The following GALNT13 variants were observed in gnomAD, a reference collection of about 807,000 sequenced individuals.
GALNT13 encodes polypeptide N-acetylgalactosaminyltransferase 13.
A neutral mutation model predicts 64.2 loss-of-function variants in GALNT13; 28 were observed. The observed-to-expected ratio is 0.44, with a 90% CI of 0.32 to 0.60. The LOEUF is 0.60. Among genes scored for constraint, GALNT13 ranks in the 20% least tolerant of loss-of-function variants. The probability of loss-of-function intolerance (pLI) is 0.05; values close to 1 mark genes in which losing one functional copy is unlikely to be tolerated. For missense variants in GALNT13, 577 were observed against 669.8 expected (o/e 0.86, Z 1.53); for synonymous variants, 214 against 224.6 (o/e 0.95, Z 0.42).
At chr2:153,484,551 G>A in the GALNT13 span, among the ~76,000 whole-genome samples, 4 of 151,970 alleles carry the variant, frequency 2.6e-5, no homozygotes, top group African/African-American at 9.7e-5. Context: ...TGCCAAAAAA[G>A]GTGTACCCGA....
intron 9 of GALNT13, among the ~76,000 whole-genome samples, chr2:154,384,006 C>T (rs1698396573): frequency 6.6e-6 from 1 of 151,748 alleles, no homozygotes; most frequent in South Asian, 2.1e-4. Context: ...TCTACTGACA[C>T]CAGGTACTGT....
chr2:153,496,085 G>T, the GALNT13 span, among the ~76,000 whole-genome samples: 34 of 152,260 alleles, frequency 2.2e-4, no homozygotes, highest in East Asian at 4.8e-3. Context: ...GGACAGAGTG[G>T]AACCAAAGAA....
the GALNT13 span, among the ~76,000 whole-genome samples, chr2:153,355,483 G>C: frequency 6.6e-6 from 1 of 152,060 alleles, no homozygotes; most frequent in Non-Finnish European, 1.5e-5. Context: ...AGATATTTCA[G>C]TTGTTTCTGT....
At chr2:154,302,772 G>A (rs914156754) in intron 9 of GALNT13, among the ~76,000 whole-genome samples, 1 of 152,132 alleles carries the variant, frequency 6.6e-6, no homozygotes, top group African/African-American at 2.4e-5. Flanking sequence ...GAGTGACTGG[G>A]TTAAGATAGG....
the GALNT13 span, among the ~76,000 whole-genome samples, chr2:153,132,241 G>T: frequency 6.6e-6 from 1 of 152,236 alleles, no homozygotes; most frequent in Admixed American, 6.5e-5. Flanking sequence ...AATTTAAGCT[G>T]GTGGGGGAGA....
the GALNT13 span, among the ~76,000 whole-genome samples, chr2:153,864,806 G>C: frequency 0.095 from 13,987 of 147,434 alleles, 728 homozygotes; most frequent in African/African-American, 0.16. Context: ...TTGGAAAAAA[G>C]TACTTTAAAG....
chr2:153,211,042 G>A, the GALNT13 span, among the ~76,000 whole-genome samples: 1 of 152,060 alleles, frequency 6.6e-6, no homozygotes, highest in African/African-American at 2.4e-5. Context: ...CAATTATGTG[G>A]CAATTTACTA....
chr2:153,297,127 C>T, the GALNT13 span, among the ~76,000 whole-genome samples: 8 of 152,064 alleles, frequency 5.3e-5, no homozygotes, highest in African/African-American at 1.9e-4. Flanking sequence ...CTTTTAAAAG[C>T]TTACTTTGAA....
At chr2:154,309,516 T>C (rs1305326036) in intron 9 of GALNT13, among the ~76,000 whole-genome samples, 1 of 152,174 alleles carries the variant, frequency 6.6e-6, no homozygotes, top group Non-Finnish European at 1.5e-5. Flanking sequence ...CTTCAACTCA[T>C]GGCAGAAGGT....
At chr2:153,639,585 A>G in the GALNT13 span, among the ~76,000 whole-genome samples, 2 of 152,174 alleles carry the variant, frequency 1.3e-5, no homozygotes, top group Non-Finnish European at 1.5e-5. Flanking sequence ...CATCACTGGC[A>G]AAAGAGTCAA....
intron 9 of GALNT13, among the ~76,000 whole-genome samples, chr2:154,331,546 T>G (rs1008924140): frequency 6.6e-6 from 1 of 152,040 alleles, no homozygotes; most frequent in East Asian, 1.9e-4. Context: ...CCACAAGTTC[T>G]ACCTTAGCCT....
chr2:153,608,722 A>G, the GALNT13 span, among the ~76,000 whole-genome samples: 68,182 of 147,174 alleles, frequency 0.46, 16,527 homozygotes, highest in South Asian at 0.62. Flanking sequence ...ATATGTAAAT[A>G]TATGTATAAC....
chr2:153,567,117 A>G, the GALNT13 span, among the ~76,000 whole-genome samples: 2 of 152,212 alleles, frequency 1.3e-5, no homozygotes, highest in African/African-American at 4.8e-5. Context: ...CAAGAAGGGC[A>G]GGATATGGTA....
chr2:154,345,450 G>T (rs1050559895), intron 9 of GALNT13, among the ~76,000 whole-genome samples: 23 of 151,996 alleles, frequency 1.5e-4, no homozygotes, highest in African/African-American at 5.3e-4. Flanking sequence ...CTATAAATTT[G>T]CACTGTTCAC....
chr2:153,784,623 T>A, the GALNT13 span, among the ~76,000 whole-genome samples: 1 of 152,066 alleles, frequency 6.6e-6, no homozygotes, highest in Non-Finnish European at 1.5e-5. Flanking sequence ...CCCAGGAGCT[T>A]TAAATACCCG....
intron 3 of GALNT13, among the ~76,000 whole-genome samples, chr2:154,077,673 C>A (rs1396575395): frequency 1.3e-5 from 2 of 151,300 alleles, no homozygotes; most frequent in Non-Finnish European, 3.0e-5. Context: ...GAAAAACACA[C>A]AAGAATTTAT....
chr2:154,109,574 A>G (rs552578436), intron 3 of GALNT13, among the ~76,000 whole-genome samples: 6 of 152,234 alleles, frequency 3.9e-5, no homozygotes, highest in Non-Finnish European at 8.8e-5. Context: ...AAGGACTTCA[A>G]TTATTCACCA....
chr2:153,864,841 C>T, the GALNT13 span, among the ~76,000 whole-genome samples: 14 of 146,860 alleles, frequency 9.5e-5, no homozygotes, highest in Admixed American at 7.5e-4. Context: ...AAAAAGAGCC[C>T]GCATCGCCAA....
chr2:153,405,397 C>T, the GALNT13 span, among the ~76,000 whole-genome samples: 66 of 152,132 alleles, frequency 4.3e-4, no homozygotes, highest in African/African-American at 1.6e-3. Context: ...AGTGTGTGTG[C>T]CTGTGTATCT....
Sources: allele counts gnomAD v4.1 joint callset (sites outside exome capture counted in the v4.1 genomes callset), GRCh38; gene constraint gnomAD v4.1.1; transcripts MANE v1.5; gene names NCBI Gene and HGNC (gene_info 2026-07-23, HGNC 2026-07-21).